The following ECHDC3 variants were observed in gnomAD, a reference collection of about 807,000 sequenced individuals.
The protein encoded by ECHDC3 is enoyl-CoA hydratase domain containing 3, also known as enoyl-CoA hydratase domain-containing protein 3, mitochondrial.
ECHDC3 carries 20 observed loss-of-function variants against 17.9 expected under a neutral mutation model. That is an observed-to-expected ratio of 1.12 (90% confidence interval 0.79 to 1.63). The LOEUF is 1.63. Ranked by LOEUF, ECHDC3 falls within the 40% of genes most tolerant of loss-of-function variation. The pLI is 0.00. For missense variants in ECHDC3, 407 were observed against 357.7 expected, an observed-to-expected ratio of 1.14 and a Z score of -1.11; for synonymous variants, 177 against 149.7, an observed-to-expected ratio of 1.18 and a Z score of -1.33.
intron 4 of ECHDC3, among the ~76,000 whole-genome samples, chr10:11,758,562 C>T (rs1047884466): frequency 2.0e-5 from 3 of 152,258 alleles, no homozygotes; most frequent in Admixed American, 6.5e-5. Flanking sequence ...CAGCCTGCCC[C>T]AGACAGGCTG....
intron 4 of ECHDC3, among the ~76,000 whole-genome samples, chr10:11,758,591 TG>T (rs1286931183): frequency 6.6e-6 from 1 of 152,242 alleles, no homozygotes; most frequent in East Asian, 1.9e-4. Flanking sequence ...CAGTGATTTG[TG>T]TGGCCAGAGG....
chr10:11,763,227 G>C lies in ECHDC3; in HGVS notation c.595G>C (p.Ala199Pro), dbSNP rs769647436. 2.5e-5 allele frequency: 19 copies of C among 775,140 alleles called. No individual in the cohort carries two copies. The Admixed American group carries it at 3.2e-4, about 13-fold the overall frequency. 48.0% of individuals were successfully genotyped at this position (775,140 alleles called of 1,614,324 possible). ...ALARAVPRKV[A>P]LEMLFTGEPI... ...GACATCCCGTGTCTCCCCGTAGGTG[G>C]CCTTGGAGATGCTCTTTACTGGTGA... Residue 199 changes from alanine to proline, a missense_variant, in exon 5 of 5, where the codon GCC becomes CCC. Physicochemically the swap from Ala to Pro is conservative, Grantham distance 27. Transcript: ENST00000379215. This position sits in a 1 kb window ranked among gnomAD's most constrained non-coding sequence, Gnocchi z 4.9.
rs757821857 is a variant in ECHDC3, at chr10:11,747,441, G to C, written c.263G>C (p.Ser88Thr). The C allele has an allele frequency of 6.2e-6, 10 of 1,613,856 alleles. No homozygotes were observed. The highest frequency in any genetic ancestry group is 3.3e-4 in the Middle Eastern group (2 of 6,080). ...AGTGACATTCTTCATGACGCTGACA[G>C]CAACGATCTGAAAGTCATTATCATC... is the stretch of plus-strand genomic sequence containing the variant. ...LQSDILHDAD[S>T]NDLKVIIISA... The change falls in exon 2 of 5, where the codon AGC (serine) becomes ACC (threonine). Residue 88 changes from serine to threonine, a missense_variant. Transcript: ENST00000379215.
At position 11,742,542 on chromosome 10, in the gene ECHDC3, G is replaced by A; in HGVS notation, c.-35G>A. On this transcript the variant is annotated 5_prime_UTR_variant, in exon 1 of 5. Transcript: ENST00000379215. The stretch of plus-strand genomic sequence containing the variant: ...CCCAGCACCTGCGGCCGGCCAGGCA[G>A]CGCGATCCTGCGGCGTCTGGCCATC... 1 of 1,256,164 alleles carries A rather than the reference G, an allele frequency of 8.0e-7. No homozygotes were observed. Among genetic ancestry groups the A allele is most frequent in the East Asian group, 3.2e-5 (1 of 31,136 alleles). 77.8% of individuals were successfully genotyped at this position (1,256,164 alleles called of 1,614,324 possible).
chr10:11,758,574 G>A (rs1016544345), intron 4 of ECHDC3, among the ~76,000 whole-genome samples: 4 of 152,362 alleles, frequency 2.6e-5, no homozygotes, highest in African/African-American at 4.8e-5. Flanking sequence ...GACAGGCTGC[G>A]TTTTAGCAGT....
At position 11,763,172 on chromosome 10, in the gene ECHDC3, CGGG is replaced by C; in HGVS notation, c.592-49_592-47del. ...TTGAGCCGAGGCGGGACTCAGGTGG[CGGG>C]GGCGGGTCACAGGAGAGCACCTCAG... On this transcript the variant is annotated intron_variant, in intron 4 of 4. Transcript: ENST00000379215. The surrounding 1 kb of genome is among the most constrained non-coding windows in gnomAD (Gnocchi z 4.9). 1 of 687,836 alleles carries C rather than the reference CGGG, an allele frequency of 1.5e-6. No homozygotes were observed. 42.6% of individuals were successfully genotyped at this position (687,836 alleles called of 1,614,324 possible). A position where few individuals can be genotyped will look rare whatever the true frequency, so the allele number is the denominator to read the frequency against.
Position 11,747,490 on chromosome 10 carries a change from C to T in ECHDC3, c.292+20C>T. 3 of 1,612,324 alleles carry T rather than the reference C, an allele frequency of 1.9e-6. No individual in the cohort carries two copies. Among genetic ancestry groups the T allele is most frequent in the Non-Finnish European group, 2.5e-6 (3 of 1,179,634 alleles). On this transcript the variant is annotated intron_variant, in intron 2 of 4. Coordinates refer to ENST00000379215, the MANE Select transcript of ECHDC3 (RefSeq NM_024693.5). Reference sequence around the variant, plus strand: ...TCTCGGGTATGTATCTGATATCTGTCCTTAGTATTCTGCAGTGCCCACAAG... The same window carrying T: ...TCTCGGGTATGTATCTGATATCTGTTCTTAGTATTCTGCAGTGCCCACAAG...
At chr10:11,753,309 G>T (rs1832848442) in intron 3 of ECHDC3, among the ~76,000 whole-genome samples, 1 of 152,158 alleles carries the variant, frequency 6.6e-6, no homozygotes, top group Admixed American at 6.5e-5. Flanking sequence ...CTTGAACCCG[G>T]GAGGCGGAGG....
rs181942716 is a variant in ECHDC3 at position 11,760,562 on chromosome 10, C to A, written c.592-2662C>A. On this transcript the variant is annotated intron_variant, in intron 4 of 4. Coordinates refer to ENST00000379215, the MANE Select transcript of ECHDC3 (RefSeq NM_024693.5). ...TGATCATTGCAAGTGACAAAGGGATCGATAAGGTTGACTTGGGTGGCTTTC... is the reference window on the plus strand; with the variant it reads ...TGATCATTGCAAGTGACAAAGGGATAGATAAGGTTGACTTGGGTGGCTTTC... 3.9e-5 allele frequency among the ~76,000 whole-genome samples: 6 copies of A among 152,332 alleles called. No individual in the cohort carries two copies. The East Asian group carries it at 1.2e-3, about 29-fold the overall frequency.
rs1832879872 is a variant in ECHDC3 at position 11,755,705 on chromosome 10, C to G, written c.591+97C>G. 7 of 1,194,938 alleles carry G rather than the reference C, an allele frequency of 5.9e-6. No homozygotes were observed. In the South Asian group the frequency reaches 7.3e-5, roughly 12 times the overall value. The allele number at this position is 1,194,938 out of a possible 1,614,324, so 74.0% of individuals were successfully genotyped here. On this transcript the variant is annotated intron_variant, in intron 4 of 4. Transcript: ENST00000379215. ...ATTCAAGATCCGCTTGTTAAAAGTGCCTTTCATATCAGGACGTTCTGCCCA... is the reference window on the plus strand; with the variant it reads ...ATTCAAGATCCGCTTGTTAAAAGTGGCTTTCATATCAGGACGTTCTGCCCA...
At chr10:11,762,010 G>T (rs185474658) in intron 4 of ECHDC3, among the ~76,000 whole-genome samples, 36 of 152,058 alleles carry the variant, frequency 2.4e-4, no homozygotes, top group African/African-American at 6.5e-4. Flanking sequence ...AGGCCGTGGG[G>T]TCACTTGTGC....
At chr10:11,756,347 T>C (rs957890026) in intron 4 of ECHDC3, among the ~76,000 whole-genome samples, 1 of 152,206 alleles carries the variant, frequency 6.6e-6, no homozygotes, top group African/African-American at 2.4e-5. Flanking sequence ...TGTTCTTAAT[T>C]GGAAATCTAT....
At chr10:11,745,540 T>G (rs745674500) in intron 1 of ECHDC3, among the ~76,000 whole-genome samples, 5 of 152,236 alleles carry the variant, frequency 3.3e-5, no homozygotes, top group Non-Finnish European at 1.5e-5. Context: ...CACAGCCACT[T>G]GAAGACTGCA....
rs1176208938 is a variant in ECHDC3 at position 11,742,759 on chromosome 10, C to A, written c.170+13C>A. On this transcript the variant is annotated intron_variant, in intron 1 of 4. Coordinates refer to ENST00000379215, the MANE Select transcript of ECHDC3 (RefSeq NM_024693.5). The stretch of plus-strand genomic sequence containing the variant: ...TGGACGGCATAAGGTCAGCCCCGGG[C>A]CGCGCGGGCTCCTCGCGTTGGTGCC... 1.1e-5 allele frequency: 14 copies of A among 1,225,754 alleles called. No homozygotes were observed. In the South Asian group the frequency reaches 4.7e-4, roughly 41 times the overall value. The allele number at this position is 1,225,754 out of a possible 1,614,324, so 75.9% of individuals were successfully genotyped here.
In ECHDC3 at chr10:11,742,436, G is replaced by A; in HGVS notation, c.-141G>A. 1 of 821,018 alleles carries A rather than the reference G, an allele frequency of 1.2e-6. No individual in the cohort carries two copies. Among genetic ancestry groups the A allele is most frequent in the African/African-American group, 1.8e-5 (1 of 55,798 alleles). The allele number at this position is 821,018 out of a possible 1,614,324, so 50.9% of individuals were successfully genotyped here. On this transcript the variant is annotated 5_prime_UTR_variant, in exon 1 of 5. Transcript: ENST00000379215. ...TCCCCGCGAAGCCTGGGCCTGTCAG[G>A]CGGTTCCGTCCGGGTCTCGGCCACC...
intron 4 of ECHDC3, 49 bp downstream of exon 4, chr10:11,755,657 TTCC>T: frequency 7.0e-7 from 1 of 1,423,724 alleles, no homozygotes. Context: ...TTCTCCGGAG[TTCC>T]TCCTCCAGTG....
chr10:11,749,359 T>G, intron 2 of ECHDC3, 136 bp from the exon 3 acceptor site: 5 of 738,692 alleles, frequency 6.8e-6, no homozygotes, highest in Non-Finnish European at 8.6e-6. Flanking sequence ...GAATTATTCT[T>G]CTCAAAATTA....
intron 4 of ECHDC3, among the ~76,000 whole-genome samples, chr10:11,762,984 A>G (rs1441581279): frequency 1.3e-5 from 2 of 152,048 alleles, no homozygotes; most frequent in Non-Finnish European, 2.9e-5. Context: ...GGGCTCAGTG[A>G]CCAGATCTTT....
At chr10:11,760,070 A>T (rs1405630630) in intron 4 of ECHDC3, among the ~76,000 whole-genome samples, 1 of 152,216 alleles carries the variant, frequency 6.6e-6, no homozygotes, top group Non-Finnish European at 1.5e-5. Context: ...CAAAATCTTC[A>T]TAGTGACCTC....
Sources: gnomAD v4.1 joint callset for allele counts (sites outside exome capture counted in the v4.1 genomes callset) on GRCh38, gnomAD v4.1.1 for gene constraint, Gnocchi (gnomAD v3.1) non-coding constraint, MANE v1.5 for transcripts, NCBI Gene and HGNC (gene_info 2026-07-23, HGNC 2026-07-21) for gene names.